ACVR1: variants seen among roughly 807,000 people sequenced by gnomAD.
ACVR1 encodes activin A receptor type 1.
Under a neutral mutation model 57.1 loss-of-function variants are expected in ACVR1, and 38 were observed. That is an observed-to-expected ratio of 0.67 (90% CI 0.51 to 0.87). The LOEUF (loss-of-function observed/expected upper bound fraction) is 0.87. ACVR1 is among the 40% of genes least tolerant of loss of function. The pLI is 0.00. For synonymous variants in ACVR1, 212 were observed against 228.1 expected (o/e 0.93, Z 0.63); for missense variants, 463 against 638.2 (o/e 0.73, Z 2.96).
chr2:157,749,910 G>A (rs538299958), intron 9 of ACVR1, among the ~76,000 whole-genome samples: 75 of 152,334 alleles, frequency 4.9e-4, no homozygotes, highest in African/African-American at 1.7e-3. Context: ...GGTTCATCCC[G>A]CCCAGTGCTG....
intron 8 of ACVR1, 96 bp from the exon 9 acceptor site, chr2:157,761,173 TTGTGGA>T: frequency 1.7e-6 from 2 of 1,206,994 alleles, no homozygotes; most frequent in Middle Eastern, 5.3e-4. Context: ...AAGTGCCCTC[TTGTGGA>T]TCCAGGGTCA....
chr2:157,837,354 C>T (rs141146880), intron 1 of ACVR1, among the ~76,000 whole-genome samples: 1,706 of 152,266 alleles, frequency 0.011, 26 homozygotes, highest in Middle Eastern at 0.075. Context: ...CTGAGCACAG[C>T]CTTACCTGGC....
chr2:157,826,856 A>AG (rs1334557998), intron 1 of ACVR1, among the ~76,000 whole-genome samples: 1 of 130,098 alleles, frequency 7.7e-6, no homozygotes, highest in African/African-American at 3.7e-5. Flanking sequence ...AAGGAAAAGA[A>AG]GAAGGAAGGG....
intron 10 of ACVR1, among the ~76,000 whole-genome samples, chr2:157,738,009 T>C (rs1407100742): frequency 6.6e-6 from 1 of 152,184 alleles, no homozygotes; most frequent in Non-Finnish European, 1.5e-5. Context: ...TTTCTCATTG[T>C]TTTATACCTG....
intron 9 of ACVR1, among the ~76,000 whole-genome samples, chr2:157,751,304 G>A (rs1685181910): frequency 6.6e-6 from 1 of 152,240 alleles, no homozygotes; most frequent in Admixed American, 6.5e-5. Context: ...TGCCCTATGG[G>A]CTCTCTTGGT....
At chr2:157,777,114 G>A (rs920453098) in intron 5 of ACVR1, among the ~76,000 whole-genome samples, 3 of 152,140 alleles carry the variant, frequency 2.0e-5, no homozygotes, top group East Asian at 3.9e-4. Context: ...TTTAGAGCAA[G>A]TGATACCCTT....
At chr2:157,840,696 T>C (rs1688944763) in intron 1 of ACVR1, among the ~76,000 whole-genome samples, 1 of 152,200 alleles carries the variant, frequency 6.6e-6, no homozygotes, top group Non-Finnish European at 1.5e-5. Flanking sequence ...TCCATGTCAG[T>C]GAAGCCAGCT....
intron 9 of ACVR1, among the ~76,000 whole-genome samples, chr2:157,758,185 T>G (rs183130802): frequency 3.0e-4 from 45 of 152,120 alleles, no homozygotes; most frequent in South Asian, 1.0e-3. Context: ...GTAGCTATAC[T>G]TCTATCAGAT....
At chr2:157,804,761 T>C (rs932571567) in intron 2 of ACVR1, among the ~76,000 whole-genome samples, 4 of 152,256 alleles carry the variant, frequency 2.6e-5, no homozygotes, top group Non-Finnish European at 4.4e-5. Context: ...TCAGGCCTAC[T>C]TTCTTAGAAG....
intron 1 of ACVR1, among the ~76,000 whole-genome samples, chr2:157,842,741 C>A (rs533377537): frequency 1.1e-4 from 16 of 152,246 alleles, no homozygotes; most frequent in Admixed American, 9.2e-4. Context: ...TCCTGCTTCC[C>A]CCACCCCCTG....
chr2:157,799,490 C>T lies in ACVR1; in HGVS notation c.4G>A (p.Val2Ile), dbSNP rs1280889930. 3 of 1,610,358 alleles carry T rather than the reference C, an allele frequency of 1.9e-6. No homozygotes were observed. The highest frequency in any genetic ancestry group is 2.5e-6 in the Non-Finnish European group (3 of 1,177,028). M[V>I]DGVMILPVLI... The stretch of plus-strand genomic sequence containing the variant: ...ACAGGAAGAATCATCACTCCATCTA[C>T]CATTGTACAACTGTAAAGGGAAAAG... Residue 2 changes from valine (V) to isoleucine (I), a missense_variant, in exon 3 of 11, where the codon GTA becomes ATA. Val to Ile is a conservative substitution (Grantham distance 29, BLOSUM62 3). This residue lies in a region of ACVR1 where 203 missense variants were observed against 235.5 expected (regional missense o/e 0.86). Coordinates refer to ENST00000434821, the MANE Select transcript of ACVR1 (RefSeq NM_001111067.4).
chr2:157,780,602 T>C lies in ACVR1; in HGVS notation c.68-2A>G. ...TGGGGTTGACCTTGGGCTTCTCATC[T>C]GCAAAGGAGAGAAAGGAAGGGGAAA... On this transcript the variant is annotated splice_acceptor_variant, in intron 3 of 10. Transcript: ENST00000434821. LOFTEE classifies it high-confidence loss of function. 6.2e-7 allele frequency: 1 copy of C among 1,613,132 alleles called. No individual in the cohort carries two copies. The highest frequency in any genetic ancestry group is 8.5e-7 in the Non-Finnish European group (1 of 1,179,802).
intron 1 of ACVR1, among the ~76,000 whole-genome samples, chr2:157,820,987 T>C (rs1372115): frequency 0.63 from 96,375 of 152,120 alleles, 36,954 homozygotes; most frequent in South Asian, 0.83. Flanking sequence ...AAATAAACCA[T>C]GGACTGAAAT....
intron 4 of ACVR1, among the ~76,000 whole-genome samples, chr2:157,779,141 G>A (rs1428713575): frequency 6.6e-6 from 1 of 151,418 alleles, no homozygotes; most frequent in Non-Finnish European, 1.5e-5. Flanking sequence ...ACGCTAATCA[G>A]ATTAGAATGT....
intron 1 of ACVR1, among the ~76,000 whole-genome samples, chr2:157,853,690 A>G (rs1459310728): frequency 2.0e-5 from 3 of 152,178 alleles, no homozygotes; most frequent in Non-Finnish European, 1.5e-5. Context: ...TTAGGAAGCA[A>G]TAAGTAGTCT....
chr2:157,737,993 G>A (rs1410300842), intron 10 of ACVR1, among the ~76,000 whole-genome samples: 1 of 152,096 alleles, frequency 6.6e-6, no homozygotes, highest in African/African-American at 2.4e-5. Context: ...TTTCCAAATA[G>A]GGTCATTTCT....
chr2:157,747,187 GAC>G (rs1684999803), intron 9 of ACVR1, among the ~76,000 whole-genome samples: 1 of 152,096 alleles, frequency 6.6e-6, no homozygotes, highest in Non-Finnish European at 1.5e-5. Context: ...TTCTTTTAAT[GAC>G]AGTTCCTAAA....
At chr2:157,855,306 GTGTA>G (rs1409234164) in intron 1 of ACVR1, among the ~76,000 whole-genome samples, 46 of 53,156 alleles carry the variant, frequency 8.7e-4, no homozygotes, top group South Asian at 1.6e-3. Flanking sequence ...GTGTGTGTGT[GTGTA>G]TATATATATA....
Position 157,864,050 on chromosome 2 carries a change from CG to C in ACVR1, c.-183+11745del, listed in dbSNP as rs201761704. On this transcript the variant is annotated intron_variant, in intron 1 of 10. Coordinates refer to ENST00000434821, the MANE Select transcript of ACVR1 (RefSeq NM_001111067.4). ...ATTTTTGTATTTTTTTAAATAGAGA[CG>C]GGGTTTCACACCATGTTAGTCAGGA... Among the ~76,000 whole-genome samples, 598 of 150,994 alleles carry C rather than the reference CG, an allele frequency of 4.0e-3. 4 individuals carry two copies. Among genetic ancestry groups the C allele is most frequent in the African/African-American group, 0.014 (564 of 41,118 alleles).
Sources: gnomAD v4.1 joint callset for allele counts (sites outside exome capture counted in the v4.1 genomes callset) on GRCh38, gnomAD v4.1.1 for gene constraint, gnomAD v4.1.1 regional missense constraint, MANE v1.5 for transcripts, NCBI Gene and HGNC (gene_info 2026-07-23, HGNC 2026-07-21) for gene names.